PTPRK: variants seen among roughly 807,000 people sequenced by gnomAD.
PTPRK encodes the protein protein tyrosine phosphatase receptor type K.
In PTPRK, 75 loss-of-function variants were observed where a neutral mutation model predicts 178.0. The ratio of observed to expected loss-of-function variants is 0.42; its 90% CI spans 0.35 to 0.51. The LOEUF is 0.51. Ranked by LOEUF, PTPRK falls within the 20% of genes least tolerant of loss-of-function variation. The pLI is 0.02. For synonymous variants in PTPRK, 637 were observed against 620.6 expected, an observed-to-expected ratio of 1.03 and a Z score of -0.39; for missense variants, 1,441 against 1,797.8, an observed-to-expected ratio of 0.80 and a Z score of 3.59.
chr6:128,085,979 A>C (rs1433737487), intron 8 of PTPRK, among the ~76,000 whole-genome samples: 1 of 152,220 alleles, frequency 6.6e-6, no homozygotes, highest in African/African-American at 2.4e-5. Flanking sequence ...AATTATAGAC[A>C]GAAAATGTCT....
chr6:128,490,539 C>T lies in PTPRK; in HGVS notation c.100+29720G>A, dbSNP rs149475434. 4.7e-3 allele frequency among the ~76,000 whole-genome samples: 723 copies of T among 152,292 alleles called. 3 individuals carry two copies. Among genetic ancestry groups the T allele is most frequent in the African/African-American group, 0.017 (696 of 41,560 alleles). On this transcript the variant is annotated intron_variant, in intron 1 of 29. Transcript: ENST00000368226. The stretch of plus-strand genomic sequence containing the variant: ...CCCCAATACTGGGAAGTTCTGTCTT[C>T]ATGAGAAGCAGTACAGCATGGTGAT...
chr6:128,298,734 C>G (rs564768947), intron 3 of PTPRK, among the ~76,000 whole-genome samples: 1,890 of 152,156 alleles, frequency 0.012, 38 homozygotes, highest in African/African-American at 0.043. Flanking sequence ...ATAATAAGAG[C>G]TATCTATGAC....
chr6:128,384,245 C>G (rs1163530271), intron 2 of PTPRK, among the ~76,000 whole-genome samples: 1 of 152,150 alleles, frequency 6.6e-6, no homozygotes, highest in African/African-American at 2.4e-5. Context: ...GCACGATAGT[C>G]CACAAAATGT....
chr6:128,303,044 G>A (rs1825874729), intron 3 of PTPRK, among the ~76,000 whole-genome samples: 1 of 152,056 alleles, frequency 6.6e-6, no homozygotes, highest in African/African-American at 2.4e-5. Context: ...CACTACGCTT[G>A]TACAATTAGA....
At chr6:128,226,636 G>A (rs1055475265) in intron 5 of PTPRK, among the ~76,000 whole-genome samples, 3 of 151,774 alleles carry the variant, frequency 2.0e-5, no homozygotes, top group Non-Finnish European at 2.9e-5. Context: ...CTCCCCAAGG[G>A]CTTGCCCTAC....
chr6:128,250,280 T>C (rs547844962), intron 3 of PTPRK, among the ~76,000 whole-genome samples: 5 of 152,350 alleles, frequency 3.3e-5, no homozygotes, highest in African/African-American at 1.2e-4. Context: ...TTTTAGAGAA[T>C]ATTTGGGAAA....
intron 1 of PTPRK, among the ~76,000 whole-genome samples, chr6:128,485,639 G>A (rs1000729987): frequency 2.6e-5 from 4 of 152,262 alleles, no homozygotes; most frequent in African/African-American, 4.8e-5. Flanking sequence ...GAATGCTAGC[G>A]AATGAAGGAA....
chr6:128,239,125 GTTT>G (rs71833785), intron 5 of PTPRK, among the ~76,000 whole-genome samples: 11,594 of 98,606 alleles, frequency 0.12, 833 homozygotes, highest in East Asian at 0.38. Context: ...AACTCATCTT[GTTT>G]TTTTTTTTTT....
intron 13 of PTPRK, among the ~76,000 whole-genome samples, chr6:128,037,073 G>T (rs927979692): frequency 6.6e-6 from 1 of 152,078 alleles, no homozygotes. Flanking sequence ...GTGCAAATCT[G>T]TTCACTGTGC....
At chr6:127,998,476 C>T (rs115599993) in intron 16 of PTPRK, among the ~76,000 whole-genome samples, 1,935 of 151,730 alleles carry the variant, frequency 0.013, 45 homozygotes, top group African/African-American at 0.043. Flanking sequence ...AAATAAATTA[C>T]GGAATCCAAC....
chr6:128,439,639 A>C (rs1846042628), intron 1 of PTPRK, among the ~76,000 whole-genome samples: 2 of 152,336 alleles, frequency 1.3e-5, no homozygotes, highest in East Asian at 1.9e-4. Flanking sequence ...AATGAATGAC[A>C]ATCTGTGACC....
intron 5 of PTPRK, among the ~76,000 whole-genome samples, chr6:128,235,225 AT>A (rs929038205): frequency 9.2e-5 from 14 of 152,156 alleles, no homozygotes; most frequent in African/African-American, 2.7e-4. Context: ...ATATTTGAAT[AT>A]TTTTTAAAAG....
At chr6:128,071,953 G>A (rs1438119353) in intron 11 of PTPRK, among the ~76,000 whole-genome samples, 3 of 151,984 alleles carry the variant, frequency 2.0e-5, no homozygotes, top group Non-Finnish European at 4.4e-5. Flanking sequence ...ATAAGAAATC[G>A]CATTAGAAGT....
intron 5 of PTPRK, among the ~76,000 whole-genome samples, chr6:128,226,151 T>C (rs912157253): frequency 6.6e-6 from 1 of 152,162 alleles, no homozygotes; most frequent in Non-Finnish European, 1.5e-5. Flanking sequence ...AAGTAACCAT[T>C]TGTGAGCTGA....
At chr6:128,139,515 A>G (rs1795472644) in intron 7 of PTPRK, among the ~76,000 whole-genome samples, 1 of 152,084 alleles carries the variant, frequency 6.6e-6, no homozygotes, top group South Asian at 2.1e-4. Flanking sequence ...AACATGAACA[A>G]AGAAGTGTGA....
intron 13 of PTPRK, among the ~76,000 whole-genome samples, chr6:128,030,144 G>A (rs974342315): frequency 6.6e-6 from 1 of 152,340 alleles, no homozygotes; most frequent in South Asian, 2.1e-4. Flanking sequence ...AGTGCTGGGA[G>A]ATGGGCACAT....
At chr6:128,300,104 C>T (rs1825309947) in intron 3 of PTPRK, among the ~76,000 whole-genome samples, 1 of 152,038 alleles carries the variant, frequency 6.6e-6, no homozygotes, top group Admixed American at 6.6e-5. Context: ...TTTATGCAGC[C>T]AAAAACACGT....
intron 2 of PTPRK, among the ~76,000 whole-genome samples, chr6:128,359,710 C>T (rs141851044): frequency 6.6e-6 from 1 of 151,874 alleles, no homozygotes; most frequent in Non-Finnish European, 1.5e-5. Flanking sequence ...TGAGATCACG[C>T]CACTGCACTC....
At chr6:128,135,666 T>C (rs532775508) in intron 7 of PTPRK, among the ~76,000 whole-genome samples, 31 of 152,212 alleles carry the variant, frequency 2.0e-4, no homozygotes, top group Non-Finnish European at 4.1e-4. Flanking sequence ...AATCCTGCAC[T>C]AGGATATCCC....
Sources: allele counts gnomAD v4.1 joint callset (sites outside exome capture counted in the v4.1 genomes callset), GRCh38; gene constraint gnomAD v4.1.1; transcripts MANE v1.5; gene names NCBI Gene and HGNC (gene_info 2026-07-23, HGNC 2026-07-21).